ZNF277: variants seen among roughly 807,000 people sequenced by gnomAD.
ZNF277 encodes nuclear receptor-interacting factor 4.
A neutral mutation model predicts 60.7 loss-of-function variants in ZNF277; 55 were observed. That is an observed-to-expected ratio of 0.91 (90% CI 0.73 to 1.13). The LOEUF (loss-of-function observed/expected upper bound fraction) is 1.13, where lower values mean the gene tolerates loss of function less well. Among genes scored for constraint, ZNF277 ranks in the 50% most tolerant of loss-of-function variants. The pLI is 0.00. For synonymous variants in ZNF277, 178 were observed against 179.3 expected (o/e 0.99, Z 0.06); for missense variants, 510 against 523.0 (o/e 0.98, Z 0.24).
In ZNF277 at chr7:112,238,790, T is replaced by C. The variant is rs145001126; in HGVS notation, c.91+31983T>C. Among the ~76,000 whole-genome samples, 7 of 148,628 alleles carry C rather than the reference T, an allele frequency of 4.7e-5. No individual in the cohort carries two copies. The East Asian group carries it at 1.4e-3, about 30-fold the overall frequency. On this transcript the variant is annotated intron_variant, in intron 1 of 11. Transcript: ENST00000361822. ...GGCCCTGGCTCCTGGATGATATTTT[T>C]TACTTAATTTTTTTTTTATTTCAAT...
At chr7:112,234,539 A>T (rs1440511958) in intron 1 of ZNF277, among the ~76,000 whole-genome samples, 1 of 152,150 alleles carries the variant, frequency 6.6e-6, no homozygotes, top group Non-Finnish European at 1.5e-5. Flanking sequence ...ATTGGTGATT[A>T]TGTTTCTACA....
At chr7:112,296,792 A>T (rs1173388316) in intron 4 of ZNF277, among the ~76,000 whole-genome samples, 1 of 151,582 alleles carries the variant, frequency 6.6e-6, no homozygotes, top group East Asian at 1.9e-4. Flanking sequence ...ACCATAAGCA[A>T]GCTAATTTGA....
chr7:112,256,948 A>C (rs558659593), intron 1 of ZNF277, among the ~76,000 whole-genome samples: 9 of 152,230 alleles, frequency 5.9e-5, no homozygotes, highest in Non-Finnish European at 1.3e-4. Flanking sequence ...AATACAAAAC[A>C]GTTCTATGTT....
intron 4 of ZNF277, among the ~76,000 whole-genome samples, chr7:112,313,504 A>G (rs537947718): frequency 1.7e-4 from 26 of 152,120 alleles, no homozygotes; most frequent in Admixed American, 4.6e-4. Flanking sequence ...GGCTGTGTTT[A>G]TAGTATTAAA....
At chr7:112,329,276 A>T (rs1793172076) in intron 6 of ZNF277, among the ~76,000 whole-genome samples, 1 of 151,904 alleles carries the variant, frequency 6.6e-6, no homozygotes, top group Admixed American at 6.6e-5. Context: ...AGAAAGTAGA[A>T]CTCTCTACTT....
At position 112,253,629 on chromosome 7, in the gene ZNF277, A is replaced by G. The variant is rs115969490; in HGVS notation, c.92-33244A>G. Among the ~76,000 whole-genome samples the G allele has an allele frequency of 7.4e-3, 1,125 of 152,184 alleles. 10 individuals are homozygous for G. Among genetic ancestry groups the G allele is most frequent in the African/African-American group, 0.026 (1,080 of 41,522 alleles). On this transcript the variant is annotated intron_variant, in intron 1 of 11. Transcript: ENST00000361822. ...GGCAAATAGCTCATCCTTCCCATGTAGCCCCCAGCCTCAGGGCCATCATGC... is the reference window on the plus strand; with the variant it reads ...GGCAAATAGCTCATCCTTCCCATGTGGCCCCCAGCCTCAGGGCCATCATGC...
At chr7:112,305,173 CTT>C (rs1441192992) in intron 4 of ZNF277, among the ~76,000 whole-genome samples, 2 of 152,056 alleles carry the variant, frequency 1.3e-5, no homozygotes, top group African/African-American at 4.8e-5. Context: ...GAGAGAATCG[CTT>C]GAACTCAGGA....
At chr7:112,210,465 G>GTTTTTTTTTT (rs66533644) in intron 1 of ZNF277, among the ~76,000 whole-genome samples, 1 of 132,686 alleles carries the variant, frequency 7.5e-6, no homozygotes. Flanking sequence ...TTTGTTTTTT[G>GTTTTTTTTTT]TTTTTTTTTT....
chr7:112,292,377 C>T (rs1015087124), intron 2 of ZNF277, among the ~76,000 whole-genome samples: 5 of 152,122 alleles, frequency 3.3e-5, no homozygotes, highest in African/African-American at 9.7e-5. Flanking sequence ...TAGGTAGCAA[C>T]TTAGGAGCAG....
chr7:112,263,072 C>A (rs1791470504), intron 1 of ZNF277, among the ~76,000 whole-genome samples: 2 of 152,068 alleles, frequency 1.3e-5, no homozygotes, highest in Non-Finnish European at 2.9e-5. Flanking sequence ...GGCAGTGTAA[C>A]CCTTGTATAA....
chr7:112,234,522 T>G (rs1196448063), intron 1 of ZNF277, among the ~76,000 whole-genome samples: 1 of 152,124 alleles, frequency 6.6e-6, no homozygotes, highest in Non-Finnish European at 1.5e-5. Flanking sequence ...CATCCTACTA[T>G]CAGCACATTG....
At chr7:112,336,820 C>T (rs1366411831) in intron 8 of ZNF277, among the ~76,000 whole-genome samples, 1 of 152,174 alleles carries the variant, frequency 6.6e-6, no homozygotes, top group African/African-American at 2.4e-5. Flanking sequence ...GAAATAAAAA[C>T]ATCTTTCCCA....
At chr7:112,265,714 A>G (rs1334038812) in intron 1 of ZNF277, among the ~76,000 whole-genome samples, 1 of 152,186 alleles carries the variant, frequency 6.6e-6, no homozygotes, top group Non-Finnish European at 1.5e-5. Context: ...TTATTTCTGA[A>G]TGGTGAGATT....
chr7:112,282,142 A>T (rs556773073), intron 1 of ZNF277, among the ~76,000 whole-genome samples: 1 of 152,356 alleles, frequency 6.6e-6, no homozygotes, highest in African/African-American at 2.4e-5. Context: ...ATGAAAATAC[A>T]TAAGACTTAG....
chr7:112,342,597 G>A lies in ZNF277; in HGVS notation c.1221G>A (p.Leu407=), dbSNP rs1011137381. The stretch of plus-strand genomic sequence containing the variant: ...CAACCTATGAAAATGACACTCTCCT[G>A]TGTACACTATCTGACAGTGAAAGTG... ...YFPTYENDTL[L]CTLSDSESDL... The change falls in exon 12 of 12, where the codon CTG becomes CTA. Residue 407 remains leucine (L), a synonymous_variant. Coordinates refer to ENST00000361822, the MANE Select transcript of ZNF277 (RefSeq NM_021994.3). The A allele has an allele frequency of 6.2e-7, 1 of 1,612,218 alleles. No individual in the cohort carries two copies. The highest frequency in any genetic ancestry group is 8.5e-7 in the Non-Finnish European group (1 of 1,179,550).
chr7:112,244,644 T>C (rs1485360619), intron 1 of ZNF277, among the ~76,000 whole-genome samples: 1 of 152,148 alleles, frequency 6.6e-6, no homozygotes, highest in Non-Finnish European at 1.5e-5. Flanking sequence ...AACCAGTTTT[T>C]CTTTTAAGTA....
intron 1 of ZNF277, among the ~76,000 whole-genome samples, chr7:112,241,305 A>G (rs1233646864): frequency 6.6e-6 from 1 of 152,198 alleles, no homozygotes; most frequent in Non-Finnish European, 1.5e-5. Flanking sequence ...CAAAACTACA[A>G]TAAGATATTA....
intron 4 of ZNF277, among the ~76,000 whole-genome samples, chr7:112,314,732 G>C (rs535498856): frequency 6.6e-6 from 1 of 152,112 alleles, no homozygotes; most frequent in Non-Finnish European, 1.5e-5. Flanking sequence ...CGAAGTCGAG[G>C]CTGCAGTGAT....
At chr7:112,290,953 A>C (rs1444867300) in intron 2 of ZNF277, among the ~76,000 whole-genome samples, 1 of 152,200 alleles carries the variant, frequency 6.6e-6, no homozygotes, top group Admixed American at 6.5e-5. Context: ...GCTTCTGAGT[A>C]CAATAGATAA....
Sources: allele counts gnomAD v4.1 joint callset (sites outside exome capture counted in the v4.1 genomes callset), GRCh38; gene constraint gnomAD v4.1.1; transcripts MANE v1.5; gene names NCBI Gene and HGNC (gene_info 2026-07-23, HGNC 2026-07-21).